The following KCNIP4 variants were observed in gnomAD, a reference collection of about 807,000 sequenced individuals.
KCNIP4 encodes the protein potassium voltage-gated channel interacting protein 4, also known as Kv channel-interacting protein 4.
In KCNIP4, 12 loss-of-function variants were observed where a neutral mutation model predicts 34.0. The ratio of observed to expected loss-of-function variants is 0.35; its 90% CI spans 0.23 to 0.57. The LOEUF (loss-of-function observed/expected upper bound fraction) is 0.57. Among genes scored for constraint, KCNIP4 ranks in the 20% least tolerant of loss-of-function variants. The pLI is 0.83. For missense variants in KCNIP4, 238 were observed against 311.7 expected, an observed-to-expected ratio of 0.76 and a Z score of 1.78; for synonymous variants, 124 against 102.2, an observed-to-expected ratio of 1.21 and a Z score of -1.29.
At chr4:20,844,435 C>A (rs1315049915) in intron 3 of KCNIP4, among the ~76,000 whole-genome samples, 4 of 152,156 alleles carry the variant, frequency 2.6e-5, no homozygotes, top group Non-Finnish European at 4.4e-5. Context: ...TATTACCCAC[C>A]CTCCTTCATG....
rs117936892 is a variant in KCNIP4, at chr4:21,674,126, C to T, written c.61+274445G>A. Among the ~76,000 whole-genome samples the T allele has an allele frequency of 7.8e-4, 119 of 152,282 alleles. 1 individual carries two copies. In the East Asian group the frequency reaches 0.022, roughly 28 times the overall value. On this transcript the variant is annotated intron_variant, in intron 1 of 8. Transcript: ENST00000382152. ...GAGGAGAATATTAATGACTTGTCAGCAGAGTTAAAGTGATACTTATAGCTC... is the reference window on the plus strand; with the variant it reads ...GAGGAGAATATTAATGACTTGTCAGTAGAGTTAAAGTGATACTTATAGCTC...
intron 1 of KCNIP4, among the ~76,000 whole-genome samples, chr4:21,723,975 G>C (rs116533942): frequency 5.5e-4 from 83 of 152,166 alleles, no homozygotes; most frequent in Middle Eastern, 3.4e-3. Context: ...TATAGCAGAG[G>C]GGGAGGAGCA....
intron 1 of KCNIP4, among the ~76,000 whole-genome samples, chr4:21,026,919 A>G (rs1291167969): frequency 6.6e-6 from 1 of 152,188 alleles, no homozygotes; most frequent in Non-Finnish European, 1.5e-5. Flanking sequence ...AGACCTAGGC[A>G]AGAGTTGGAT....
intron 1 of KCNIP4, among the ~76,000 whole-genome samples, chr4:21,336,751 T>G (rs1418010090): frequency 6.6e-6 from 1 of 152,124 alleles, no homozygotes; most frequent in Non-Finnish European, 1.5e-5. Flanking sequence ...CTCAGTTTCT[T>G]CATCTGTAAT....
intron 1 of KCNIP4, among the ~76,000 whole-genome samples, chr4:21,044,679 C>T (rs981050216): frequency 6.6e-6 from 1 of 152,166 alleles, no homozygotes; most frequent in East Asian, 1.9e-4. Flanking sequence ...AACCACCTAC[C>T]CTACCAGTAT....
intron 1 of KCNIP4, among the ~76,000 whole-genome samples, chr4:21,589,330 GTA>G (rs1198620922): frequency 7.1e-5 from 10 of 141,312 alleles, no homozygotes; most frequent in African/African-American, 2.6e-4. Context: ...ATATACACGT[GTA>G]TATATATACA....
intron 1 of KCNIP4, among the ~76,000 whole-genome samples, chr4:21,738,070 C>T (rs988355647): frequency 3.4e-5 from 5 of 149,042 alleles, no homozygotes; most frequent in South Asian, 2.1e-4. Context: ...CCAGCCTGGG[C>T]GACAGAGCGA....
intron 1 of KCNIP4, among the ~76,000 whole-genome samples, chr4:21,774,673 C>A (rs1719050997): frequency 6.6e-6 from 1 of 152,120 alleles, no homozygotes; most frequent in Non-Finnish European, 1.5e-5. Flanking sequence ...GACAAGAATG[C>A]ATATCTTATT....
intron 1 of KCNIP4, among the ~76,000 whole-genome samples, chr4:21,835,424 T>C (rs751536944): frequency 2.6e-5 from 4 of 152,122 alleles, no homozygotes; most frequent in Non-Finnish European, 2.9e-5. Context: ...TACCATTATA[T>C]ATAACTACTA....
intron 1 of KCNIP4, among the ~76,000 whole-genome samples, chr4:21,565,497 T>G (rs75561140): frequency 0.028 from 4,219 of 152,208 alleles, 94 homozygotes; most frequent in Middle Eastern, 0.078. Context: ...TTTCAAACTT[T>G]CATAAACATA....
chr4:21,005,322 C>A (rs1577520303), intron 1 of KCNIP4, among the ~76,000 whole-genome samples: 1 of 152,148 alleles, frequency 6.6e-6, no homozygotes, highest in Non-Finnish European at 1.5e-5. Flanking sequence ...AAGCCAGTTA[C>A]CTGCTTCTCA....
chr4:21,113,289 C>T (rs1749386929), intron 1 of KCNIP4, among the ~76,000 whole-genome samples: 1 of 152,042 alleles, frequency 6.6e-6, no homozygotes, highest in African/African-American at 2.4e-5. Flanking sequence ...TTCACACAGA[C>T]ATAAGGCTGT....
At chr4:21,718,321 G>C (rs185767987) in intron 1 of KCNIP4, among the ~76,000 whole-genome samples, 1 of 152,186 alleles carries the variant, frequency 6.6e-6, no homozygotes, top group African/African-American at 2.4e-5. Context: ...ATATTTATTA[G>C]CCAATTTGTA....
intron 1 of KCNIP4, among the ~76,000 whole-genome samples, chr4:21,387,191 T>G (rs1332450771): frequency 6.6e-6 from 1 of 152,126 alleles, no homozygotes; most frequent in Non-Finnish European, 1.5e-5. Context: ...AGGGACTAAA[T>G]AATTGGTAAT....
chr4:20,890,502 T>C (rs1025341619), intron 1 of KCNIP4, among the ~76,000 whole-genome samples: 1 of 152,196 alleles, frequency 6.6e-6, no homozygotes, highest in Non-Finnish European at 1.5e-5. Context: ...TATTAGGTAC[T>C]AATATATATT....
At chr4:21,882,488 T>C (rs1402426683) in intron 1 of KCNIP4, among the ~76,000 whole-genome samples, 1 of 152,054 alleles carries the variant, frequency 6.6e-6, no homozygotes, top group Non-Finnish European at 1.5e-5. Context: ...AGTTCAAAGT[T>C]AAGAAAAATA....
intron 1 of KCNIP4, among the ~76,000 whole-genome samples, chr4:21,405,080 C>T (rs1248827796): frequency 6.6e-6 from 1 of 152,164 alleles, no homozygotes; most frequent in Non-Finnish European, 1.5e-5. Context: ...CATCCTCCAT[C>T]CTCTGACCTC....
At chr4:20,730,295 T>G (rs529091598) in intron 8 of KCNIP4, among the ~76,000 whole-genome samples, 166 bp from the exon 9 acceptor site, 2 of 152,362 alleles carry the variant, frequency 1.3e-5, no homozygotes, top group East Asian at 3.9e-4. Flanking sequence ...TTCTATCCAT[T>G]TTCCACATAG....
chr4:21,176,410 T>C (rs1460907030), intron 1 of KCNIP4, among the ~76,000 whole-genome samples: 2 of 152,084 alleles, frequency 1.3e-5, no homozygotes, highest in Non-Finnish European at 2.9e-5. Flanking sequence ...ATAAAATAAA[T>C]TGGGGCCATA....
Sources: allele counts gnomAD v4.1 joint callset (sites outside exome capture counted in the v4.1 genomes callset), GRCh38; gene constraint gnomAD v4.1.1; transcripts MANE v1.5; gene names NCBI Gene and HGNC (gene_info 2026-07-23, HGNC 2026-07-21).